BTBD7: variants seen among roughly 807,000 people sequenced by gnomAD.
The protein encoded by BTBD7 is BTB domain containing 7.
In BTBD7, 38 loss-of-function variants were observed where a neutral mutation model predicts 99.9. That is an observed-to-expected ratio of 0.38 (90% CI 0.29 to 0.50). The LOEUF (loss-of-function observed/expected upper bound fraction) is 0.50, where lower values mean the gene tolerates loss of function less well. Among genes scored for constraint, BTBD7 ranks in the 20% least tolerant of loss-of-function variants. The pLI, the probability that BTBD7 is intolerant of heterozygous loss-of-function variation, is 0.93. For synonymous variants in BTBD7, 520 were observed against 511.4 expected (o/e 1.02, Z -0.23); for missense variants, 1,170 against 1,394.6 (o/e 0.84, Z 2.57).
chr14:93,248,441 C>A (rs2052337396), intron 9 of BTBD7, 35 bp downstream of exon 9: 1 of 1,599,728 alleles, frequency 6.3e-7, no homozygotes, highest in African/African-American at 1.3e-5. Context: ...GTGACTGAGG[C>A]TCCCTATTTT....
At chr14:93,308,397 G>A (rs9671785) in intron 1 of BTBD7, among the ~76,000 whole-genome samples, 11,959 of 151,810 alleles carry the variant, frequency 0.079, 1,012 homozygotes, top group African/African-American at 0.21. Flanking sequence ...CCTCAAATAC[G>A]ACTTGTGGAA....
chr14:93,306,679 G>T (rs1341140337), intron 1 of BTBD7, among the ~76,000 whole-genome samples: 1 of 152,052 alleles, frequency 6.6e-6, no homozygotes, highest in Non-Finnish European at 1.5e-5. Flanking sequence ...AGAAGTAATG[G>T]TGCTTATTTC....
chr14:93,323,637 C>G (rs1433953735), intron 1 of BTBD7, among the ~76,000 whole-genome samples: 1 of 152,182 alleles, frequency 6.6e-6, no homozygotes, highest in Non-Finnish European at 1.5e-5. Flanking sequence ...TGAAACAGAG[C>G]TAAATGTAAT....
At chr14:93,326,400 G>C (rs1044174251) in intron 1 of BTBD7, among the ~76,000 whole-genome samples, 2 of 152,178 alleles carry the variant, frequency 1.3e-5, no homozygotes, top group Admixed American at 1.3e-4. Context: ...CCAGGTAGTT[G>C]AGGTTCTGGT....
At chr14:93,261,544 A>T in intron 5 of BTBD7, 58 bp downstream of exon 5, 1 of 1,328,912 alleles carries the variant, frequency 7.5e-7, no homozygotes, top group African/African-American at 1.4e-5. Context: ...GCATTTCTAT[A>T]TAAGAACCAC....
rs991371852 is a variant in BTBD7 at position 93,239,004 on chromosome 14, GTT to G, written c.*3267_*3268del. ...ACTGAAAAGCCTCAAAGCCTAACGG[GTT>G]ATTGCGGTGTCAGGCTAGCTGAGGT... On this transcript the variant is annotated 3_prime_UTR_variant, in exon 11 of 11. Transcript: ENST00000334746. The G allele has an allele frequency of 1.3e-5, 2 of 152,224 alleles. No individual in the cohort carries two copies. The highest frequency in any genetic ancestry group is 4.8e-5 in the African/African-American group (2 of 41,454). 9.4% of individuals were successfully genotyped at this position (152,224 alleles called of 1,614,324 possible).
At chr14:93,314,053 ATATTCT>A (rs1271386489) in intron 1 of BTBD7, among the ~76,000 whole-genome samples, 1 of 152,102 alleles carries the variant, frequency 6.6e-6, no homozygotes, top group Non-Finnish European at 1.5e-5. Flanking sequence ...GGCTGAAACT[ATATTCT>A]TAGTGTTCTT....
At position 93,253,742 on chromosome 14, in the gene BTBD7, T is replaced by C; in HGVS notation, c.1657A>G (p.Thr553Ala). 1.9e-6 allele frequency: 3 copies of C among 1,612,816 alleles called. No homozygotes were observed. The highest frequency in any genetic ancestry group is 2.5e-6 in the Non-Finnish European group (3 of 1,179,126). ...CAGGCATTTGACTTCCCACCTTCTG[T>C]TGTAGGAAGCATATCTGATGGAGGA... ...STPPSDMLPT[T>A]EGGKSNAWLR... Residue 553 changes from threonine (T) to alanine (A), a missense_variant, in exon 7 of 11, where the codon ACA (threonine) becomes GCA (alanine). By Grantham distance (58) the Thr-to-Ala change is moderately conservative. Coordinates refer to ENST00000334746, the MANE Select transcript of BTBD7 (RefSeq NM_001002860.4).
intron 8 of BTBD7, among the ~76,000 whole-genome samples, chr14:93,249,266 CAAAAA>C (rs56893984): frequency 3.9e-5 from 1 of 25,942 alleles, no homozygotes; most frequent in African/African-American, 1.3e-4. Flanking sequence ...ACCAGATAGG[CAAAAA>C]AAAAAAAAAA....
At chr14:93,310,282 A>C (rs2139802568) in intron 1 of BTBD7, among the ~76,000 whole-genome samples, 1 of 152,350 alleles carries the variant, frequency 6.6e-6, no homozygotes, top group Non-Finnish European at 1.5e-5. Context: ...ATTCCTTAAT[A>C]TGAAACTCCT....
At chr14:93,318,313 G>A (rs1282241840) in intron 1 of BTBD7, among the ~76,000 whole-genome samples, 2 of 152,194 alleles carry the variant, frequency 1.3e-5, no homozygotes, top group Non-Finnish European at 2.9e-5. Context: ...TTAAAAGGAG[G>A]AAGAAAGTGG....
At chr14:93,279,578 C>T (rs1339134301) in intron 3 of BTBD7, among the ~76,000 whole-genome samples, 2 of 152,112 alleles carry the variant, frequency 1.3e-5, no homozygotes, top group African/African-American at 2.4e-5. Context: ...GACAGAGTCT[C>T]GCTCTGTTGC....
chr14:93,251,355 A>G, intron 8 of BTBD7, 108 bp downstream of exon 8: 1 of 1,190,036 alleles, frequency 8.4e-7, no homozygotes, highest in Non-Finnish European at 1.1e-6. Context: ...CATAAAAAGT[A>G]TTGAAATGTG....
chr14:93,295,901 A>C, intron 2 of BTBD7, 69 bp downstream of exon 2: 2 of 1,438,446 alleles, frequency 1.4e-6, no homozygotes, highest in Non-Finnish European at 9.7e-7. Context: ...TGTCATCTAC[A>C]GAGACTACCG....
intron 3 of BTBD7, among the ~76,000 whole-genome samples, chr14:93,272,215 G>C (rs1053648946): frequency 6.6e-6 from 1 of 152,132 alleles, no homozygotes; most frequent in Non-Finnish European, 1.5e-5. Flanking sequence ...CCGGGAGGTA[G>C]AGATTGCAGT....
At chr14:93,283,140 T>C (rs924489299) in intron 3 of BTBD7, among the ~76,000 whole-genome samples, 1 of 152,046 alleles carries the variant, frequency 6.6e-6, no homozygotes, top group African/African-American at 2.4e-5. Context: ...TGCAGTGGCA[T>C]GATCTCAGCT....
intron 10 of BTBD7, chr14:93,243,920 G>A (rs986116948): frequency 6.2e-5 from 10 of 160,910 alleles, no homozygotes; most frequent in African/African-American, 2.2e-4. Flanking sequence ...ACCAACCTTC[G>A]CCATTCTGGG....
chr14:93,265,822 T>TGA (rs201343430), intron 3 of BTBD7, among the ~76,000 whole-genome samples: 3,774 of 152,266 alleles, frequency 0.025, 155 homozygotes, highest in African/African-American at 0.081. Context: ...CTCAGGAGGC[T>TGA]GAGGCAGGAG....
chr14:93,268,306 C>A lies in BTBD7; in HGVS notation c.1163-4313G>T, dbSNP rs995131101. 1.5e-4 allele frequency among the ~76,000 whole-genome samples: 23 copies of A among 152,142 alleles called. 1 individual carries two copies. Among genetic ancestry groups the A allele is most frequent in the African/African-American group, 5.6e-4 (23 of 41,436 alleles). On this transcript the variant is annotated intron_variant, in intron 3 of 10. Transcript: ENST00000334746. ...CTCCTATCTAAAAGTTTCTCTGGTACCCTGTGTTTGTCTGTAACAGCACAA... is the reference window on the plus strand; with the variant it reads ...CTCCTATCTAAAAGTTTCTCTGGTAACCTGTGTTTGTCTGTAACAGCACAA...
Sources: gnomAD v4.1 joint callset for allele counts (sites outside exome capture counted in the v4.1 genomes callset) on GRCh38, gnomAD v4.1.1 for gene constraint, MANE v1.5 for transcripts, NCBI Gene and HGNC (gene_info 2026-07-23, HGNC 2026-07-21) for gene names.